SLC3A1: variants seen among roughly 807,000 people sequenced by gnomAD.
SLC3A1 encodes amino acid transporter heavy chain SLC3A1.
In SLC3A1, 78 loss-of-function variants were observed where a neutral mutation model predicts 60.3. That is an observed-to-expected ratio of 1.29 (90% CI 1.08 to 1.56). The LOEUF (loss-of-function observed/expected upper bound fraction) is 1.56. Ranked by LOEUF, SLC3A1 falls within the 40% of genes most tolerant of loss-of-function variation. The pLI is 0.00. For synonymous variants in SLC3A1, 392 were observed against 307.9 expected (o/e 1.27, Z -2.86); for missense variants, 1,172 against 858.9 (o/e 1.36, Z -4.56).
chr2:44,311,271 A>T (rs2104381964), intron 7 of SLC3A1, among the ~76,000 whole-genome samples: 1 of 152,252 alleles, frequency 6.6e-6, no homozygotes, highest in South Asian at 2.1e-4. Context: ...TATCTATTTG[A>T]TAACTGTTCA....
In SLC3A1 at chr2:44,320,268, C is replaced by G. The variant is rs747507338; in HGVS notation, c.1687C>G (p.Leu563Val). The G allele has an allele frequency of 2.5e-6, 4 of 1,613,900 alleles. No homozygotes were observed. Residue 563 changes from leucine (L) to valine (V), a missense_variant, in exon 10 of 10, where the codon CTA becomes GTA. Leu to Val is a conservative substitution (Grantham distance 32). Coordinates refer to ENST00000260649, the MANE Select transcript of SLC3A1 (RefSeq NM_000341.4). The stretch of plus-strand genomic sequence containing the variant: ...TTTAAGTCTACTTCATGCCAATGAG[C>G]TACTCCTCAACAGGGGCTGGTTTTG... Reference protein sequence around the residue: ...QDLSLLHANELLLNRGWFCHL... With the variant: ...QDLSLLHANEVLLNRGWFCHL...
rs775650078 is a variant in SLC3A1 at position 44,275,813 on chromosome 2, C to T, written c.278C>T (p.Thr93Ile). Residue 93 changes from threonine to isoleucine, a missense_variant, in exon 1 of 10, where the codon ACA (threonine) becomes ATA (isoleucine). Thr to Ile is a moderately conservative substitution (Grantham distance 89). Coordinates refer to ENST00000260649, the MANE Select transcript of SLC3A1 (RefSeq NM_000341.4). ...RIPREILFWL[T>I]VASVLVLIAA... ...CCTCGGGAGATCCTCTTCTGGCTCA[C>T]AGTGGCTTCTGTGCTGGTGCTCATC... is the stretch of plus-strand genomic sequence containing the variant. 3.1e-6 allele frequency: 5 copies of T among 1,614,272 alleles called. No homozygotes were observed. Among genetic ancestry groups the T allele is most frequent in the African/African-American group, 2.7e-5 (2 of 75,070 alleles).
intron 5 of SLC3A1, 33 bp downstream of exon 5, chr2:44,300,123 CT>C: frequency 6.2e-7 from 1 of 1,610,522 alleles, no homozygotes; most frequent in East Asian, 2.2e-5. Flanking sequence ...TTTCTTTTGC[CT>C]TTTCTGAAAA....
At chr2:44,308,264 T>C (rs969716976) in intron 7 of SLC3A1, among the ~76,000 whole-genome samples, 3 of 152,252 alleles carry the variant, frequency 2.0e-5, no homozygotes, top group African/African-American at 4.8e-5. Context: ...TTAGTAAGTT[T>C]TGACATAGAG....
Position 44,312,642 on chromosome 2 carries a change from C to T in SLC3A1, c.1389C>T (p.Asn463=), listed in dbSNP as rs200800682. ...LTSRLGNQYV[N]VMNMLLFTLP... is the part of the protein sequence containing the mutation. ...CGCGTTTGGGGAATCAGTATGTCAACGTGATGAACATGCTTCTTTTCACAC... is the reference window on the plus strand; with the variant it reads ...CGCGTTTGGGGAATCAGTATGTCAATGTGATGAACATGCTTCTTTTCACAC... Residue 463 remains asparagine, a synonymous_variant, in exon 8 of 10, where the codon AAC becomes AAT. Coordinates refer to ENST00000260649, the MANE Select transcript of SLC3A1 (RefSeq NM_000341.4). The T allele has an allele frequency of 8.8e-5, 142 of 1,613,612 alleles. 1 individual carries two copies. Among genetic ancestry groups the T allele is most frequent in the Non-Finnish European group, 1.2e-4 (136 of 1,179,714 alleles).
At chr2:44,303,439 G>A (rs1485669868) in intron 6 of SLC3A1, among the ~76,000 whole-genome samples, 3 of 151,488 alleles carry the variant, frequency 2.0e-5, no homozygotes, top group Admixed American at 6.6e-5. Flanking sequence ...GTTTCTCCAC[G>A]TTGGCCAGGC....
In SLC3A1 at chr2:44,312,674, G is replaced by T. The variant is rs137923583; in HGVS notation, c.1421G>T (p.Gly474Val). 6.2e-7 allele frequency: 1 copy of T among 1,613,436 alleles called. No individual in the cohort carries two copies. Among genetic ancestry groups the T allele is most frequent in the African/African-American group, 1.3e-5 (1 of 74,866 alleles). The change falls in exon 8 of 10, where the codon GGA becomes GTA. Residue 474 changes from glycine (G) to valine (V), a missense_variant. Gly to Val is a moderately radical substitution (Grantham distance 109, BLOSUM62 -3). Coordinates refer to ENST00000260649, the MANE Select transcript of SLC3A1 (RefSeq NM_000341.4). ...VMNMLLFTLP[G>V]TPITYYGEEI... is the part of the protein sequence containing the mutation. ...AACATGCTTCTTTTCACACTCCCTG[G>T]AACTCCTATAACTTACTATGGAGAA...
chr2:44,320,613 C>A lies in SLC3A1; in HGVS notation c.2032C>A (p.Leu678Met), dbSNP rs756083951. The change falls in exon 10 of 10, where the codon CTG (leucine) becomes ATG (methionine). Residue 678 changes from leucine to methionine, a missense_variant. By Grantham distance (15) the Leu-to-Met change is conservative (BLOSUM62 2). Coordinates refer to ENST00000260649, the MANE Select transcript of SLC3A1 (RefSeq NM_000341.4). ...CAATCGAGCATGCTATTCCAGTGTA[C>A]TGAACATACTGTATACCTCGTGTTA... The part of the protein sequence containing the change: ...VSNRACYSSV[L>M]NILYTSC 6.8e-6 allele frequency: 11 copies of A among 1,613,710 alleles called. No individual in the cohort carries two copies. Among genetic ancestry groups the A allele is most frequent in the Non-Finnish European group, 8.5e-6 (10 of 1,179,820 alleles).
chr2:44,278,262 G>A (rs1558451967), intron 1 of SLC3A1, among the ~76,000 whole-genome samples: 5 of 151,858 alleles, frequency 3.3e-5, no homozygotes, highest in Non-Finnish European at 7.4e-5. Context: ...GGCTAACACG[G>A]TGAAACCCCG....
At chr2:44,276,503 A>G (rs74836631) in intron 1 of SLC3A1, among the ~76,000 whole-genome samples, 17,859 of 152,208 alleles carry the variant, frequency 0.12, 1,276 homozygotes, top group South Asian at 0.23. Context: ...AAGGGGTAGC[A>G]GTATGCATTC....
At chr2:44,277,101 T>C (rs978669566) in intron 1 of SLC3A1, among the ~76,000 whole-genome samples, 1 of 70,662 alleles carries the variant, frequency 1.4e-5, no homozygotes, top group African/African-American at 4.9e-5. Context: ...ATTCTCTCTC[T>C]TCTTTTTTTT....
At chr2:44,289,553 T>C (rs536643166) in intron 4 of SLC3A1, among the ~76,000 whole-genome samples, 9 of 152,168 alleles carry the variant, frequency 5.9e-5, no homozygotes, top group African/African-American at 2.2e-4. Flanking sequence ...TAATTTTTCC[T>C]ATTCTGTTGG....
At chr2:44,291,661 G>T (rs534077059) in intron 4 of SLC3A1, among the ~76,000 whole-genome samples, 1 of 152,314 alleles carries the variant, frequency 6.6e-6, no homozygotes, top group East Asian at 1.9e-4. Context: ...ACCCCCAGCA[G>T]CGCTTGTTTC....
At chr2:44,277,761 T>C (rs1261215731) in intron 1 of SLC3A1, among the ~76,000 whole-genome samples, 3 of 152,344 alleles carry the variant, frequency 2.0e-5, no homozygotes, top group Non-Finnish European at 1.5e-5. Context: ...TCTGGATAGG[T>C]CCAACATTCC....
At chr2:44,306,306 G>A (rs1572809998) in intron 7 of SLC3A1, among the ~76,000 whole-genome samples, 1 of 152,106 alleles carries the variant, frequency 6.6e-6, no homozygotes. Context: ...AGGAGAAAAT[G>A]CAGCCTAGGC....
At chr2:44,303,971 A>G (rs1306047509) in intron 6 of SLC3A1, 172 bp from the exon 7 acceptor site, 35 of 688,680 alleles carry the variant, frequency 5.1e-5, no homozygotes, top group Non-Finnish European at 8.8e-5. Flanking sequence ...TTCTTAATCC[A>G]GTCTAACATT....
At chr2:44,312,453 C>G in intron 7 of SLC3A1, 133 bp from the exon 8 acceptor site, 2 of 890,722 alleles carry the variant, frequency 2.2e-6, no homozygotes, top group Non-Finnish European at 3.7e-6. Flanking sequence ...GCCTAGGACT[C>G]AAGTCCAGGC....
At chr2:44,279,527 A>G (rs1018025260) in intron 1 of SLC3A1, among the ~76,000 whole-genome samples, 2 of 152,014 alleles carry the variant, frequency 1.3e-5, no homozygotes, top group African/African-American at 4.8e-5. Context: ...TCTGATCATC[A>G]TCCCACCCCT....
intron 9 of SLC3A1, 62 bp downstream of exon 9, chr2:44,314,013 G>C (rs1468945278): frequency 1.2e-6 from 2 of 1,609,162 alleles, no homozygotes; most frequent in African/African-American, 2.7e-5. Flanking sequence ...TCTACTGAAA[G>C]TACACACTCA....
Sources: gnomAD v4.1 joint callset for allele counts (sites outside exome capture counted in the v4.1 genomes callset) on GRCh38, gnomAD v4.1.1 for gene constraint, MANE v1.5 for transcripts, NCBI Gene and HGNC (gene_info 2026-07-23, HGNC 2026-07-21) for gene names.